The following COL25A1 variants were observed in gnomAD, a reference collection of about 807,000 sequenced individuals.
COL25A1 encodes the protein collagen type XXV alpha 1 chain, also known as collagen alpha-1(XXV) chain.
In COL25A1, 103 loss-of-function variants were observed where a neutral mutation model predicts 128.4. The observed-to-expected ratio is 0.80, with a 90% CI of 0.68 to 0.94. The LOEUF (loss-of-function observed/expected upper bound fraction) is 0.94, where lower values mean the gene tolerates loss of function less well. Ranked by LOEUF, COL25A1 falls within the 40% of genes least tolerant of loss-of-function variation. The probability of loss-of-function intolerance (pLI) is 0.00; values close to 1 mark genes in which losing one functional copy is unlikely to be tolerated. For synonymous variants in COL25A1, 279 were observed against 277.2 expected (o/e 1.01, Z -0.06); for missense variants, 745 against 840.0 (o/e 0.89, Z 1.40).
intron 6 of COL25A1, among the ~76,000 whole-genome samples, chr4:108,988,164 T>C (rs1039992080): frequency 2.9e-4 from 44 of 152,342 alleles, no homozygotes; most frequent in Admixed American, 2.4e-3. Flanking sequence ...TTACCTCATA[T>C]GCAAGTTGTA....
intron 6 of COL25A1, among the ~76,000 whole-genome samples, chr4:109,001,383 G>GATCCTGTCAGGTAGGCATCTGAC (rs1755364787): frequency 1.3e-5 from 2 of 152,186 alleles, no homozygotes; most frequent in East Asian, 1.9e-4. Flanking sequence ...AGGCATCTGA[G>GATCCTGTCAGGTAGGCATCTGAC]ATCCTGTCAG....
At chr4:109,181,696 A>G (rs1028388517) in intron 3 of COL25A1, among the ~76,000 whole-genome samples, 1 of 152,084 alleles carries the variant, frequency 6.6e-6, no homozygotes, top group Admixed American at 6.6e-5. Context: ...TCACATACTT[A>G]TTTTGCTTTG....
intron 3 of COL25A1, among the ~76,000 whole-genome samples, chr4:109,092,006 C>A (rs1764956540): frequency 6.6e-6 from 1 of 152,078 alleles, no homozygotes; most frequent in Non-Finnish European, 1.5e-5. Flanking sequence ...GGATGACAGC[C>A]CAAGGAAACA....
rs1755175025 is a variant in COL25A1, at chr4:108,999,855, C to G, written c.438+10503G>C. The stretch of plus-strand genomic sequence containing the variant: ...GCTGGAAACCATCATTCTCAGCAAA[C>G]TATCACAAGGACAGAAAACCAAACA... On this transcript the variant is annotated intron_variant, in intron 6 of 37. Coordinates refer to ENST00000399132, the MANE Select transcript of COL25A1 (RefSeq NM_198721.4). Among the ~76,000 whole-genome samples the G allele has an allele frequency of 3.9e-5, 6 of 152,136 alleles. No individual in the cohort carries two copies. The South Asian group carries it at 1.2e-3, about 32-fold the overall frequency.
intron 4 of COL25A1, among the ~76,000 whole-genome samples, chr4:109,049,040 AT>A (rs1376348642): frequency 1.3e-5 from 2 of 152,164 alleles, no homozygotes; most frequent in African/African-American, 4.8e-5. Flanking sequence ...TTTAAAAAAA[AT>A]AAGCAACTAC....
chr4:108,962,461 G>A (rs1750837436), intron 8 of COL25A1, among the ~76,000 whole-genome samples: 1 of 152,110 alleles, frequency 6.6e-6, no homozygotes, highest in African/African-American at 2.4e-5. Flanking sequence ...TTACAGGTGT[G>A]AGCCACTGCA....
intron 3 of COL25A1, among the ~76,000 whole-genome samples, chr4:109,199,787 A>G (rs58146233): frequency 0.035 from 5,257 of 152,204 alleles, 301 homozygotes; most frequent in African/African-American, 0.12. Flanking sequence ...TGGAAGCATT[A>G]AAAGGTAGTG....
chr4:108,854,363 C>G (rs1030914353), intron 24 of COL25A1, among the ~76,000 whole-genome samples: 4 of 152,198 alleles, frequency 2.6e-5, no homozygotes, highest in African/African-American at 9.6e-5. Flanking sequence ...CCAAAATTGA[C>G]AAACAGAATC....
intron 32 of COL25A1, among the ~76,000 whole-genome samples, chr4:108,828,501 C>T (rs1732657238): frequency 6.6e-6 from 1 of 152,150 alleles, no homozygotes; most frequent in Non-Finnish European, 1.5e-5. Context: ...ATGTTATCTT[C>T]CTCACTTTCT....
chr4:109,213,831 A>T (rs1248884142), intron 3 of COL25A1, among the ~76,000 whole-genome samples: 5 of 152,170 alleles, frequency 3.3e-5, no homozygotes, highest in Admixed American at 3.3e-4. Context: ...CAGTAAAGTA[A>T]ATAATGAGCT....
chr4:108,996,693 G>A lies in COL25A1; in HGVS notation c.438+13665C>T, dbSNP rs1002641619. ...TATGCATTCTTCTCAGCACCACATC[G>A]TACTTATTCCAAAATTAACCACATA... On this transcript the variant is annotated intron_variant, in intron 6 of 37. Coordinates refer to ENST00000399132, the MANE Select transcript of COL25A1 (RefSeq NM_198721.4). Among the ~76,000 whole-genome samples the A allele has an allele frequency of 9.2e-5, 14 of 152,004 alleles. No individual in the cohort carries two copies. The East Asian group carries it at 9.6e-4, about 10-fold the overall frequency.
chr4:108,832,753 T>C (rs1278959387), intron 31 of COL25A1: 1 of 181,280 alleles, frequency 5.5e-6, no homozygotes, highest in Admixed American at 5.9e-5. Flanking sequence ...TCCCAGCACT[T>C]TGGGAGGCTG....
chr4:109,212,983 G>A (rs907912991), intron 3 of COL25A1, among the ~76,000 whole-genome samples: 2 of 152,092 alleles, frequency 1.3e-5, no homozygotes, highest in Non-Finnish European at 2.9e-5. Flanking sequence ...AGTAATAATA[G>A]AGATGTATAA....
intron 8 of COL25A1, among the ~76,000 whole-genome samples, chr4:108,965,050 A>G (rs1156995850): frequency 6.6e-6 from 1 of 152,250 alleles, no homozygotes; most frequent in Non-Finnish European, 1.5e-5. Context: ...TAAATGTTTT[A>G]GCAGAGCCAA....
intron 3 of COL25A1, among the ~76,000 whole-genome samples, chr4:109,073,445 G>T (rs1228757756): frequency 6.6e-6 from 1 of 152,176 alleles, no homozygotes; most frequent in Non-Finnish European, 1.5e-5. Flanking sequence ...TCCACCTGGT[G>T]TGTATTTACT....
At chr4:108,896,457 T>G (rs1195331422) in intron 16 of COL25A1, among the ~76,000 whole-genome samples, 1 of 152,202 alleles carries the variant, frequency 6.6e-6, no homozygotes, top group Non-Finnish European at 1.5e-5. Context: ...CATTTTACTT[T>G]GAAAATATTT....
chr4:109,149,489 T>C (rs1358802802), intron 3 of COL25A1, among the ~76,000 whole-genome samples: 1 of 152,150 alleles, frequency 6.6e-6, no homozygotes, highest in Non-Finnish European at 1.5e-5. Context: ...TGCTGTGTAC[T>C]GAGGTGATTT....
At chr4:109,032,368 T>C (rs1389891684) in intron 5 of COL25A1, among the ~76,000 whole-genome samples, 2 of 152,224 alleles carry the variant, frequency 1.3e-5, no homozygotes, top group East Asian at 3.9e-4. Flanking sequence ...ACTGCAGTGA[T>C]GCTAGAGAAA....
At chr4:109,205,658 T>C (rs183658387) in intron 3 of COL25A1, among the ~76,000 whole-genome samples, 18 of 152,304 alleles carry the variant, frequency 1.2e-4, no homozygotes, top group Admixed American at 3.3e-4. Flanking sequence ...AGAGGGGATA[T>C]AAACTTCTAT....
Sources: gnomAD v4.1 joint callset for allele counts (sites outside exome capture counted in the v4.1 genomes callset) on GRCh38, gnomAD v4.1.1 for gene constraint, MANE v1.5 for transcripts, NCBI Gene and HGNC (gene_info 2026-07-23, HGNC 2026-07-21) for gene names.